LRBA: variants seen among roughly 807,000 people sequenced by gnomAD.
LRBA encodes lipopolysaccharide-responsive and beige-like anchor protein.
Under a neutral mutation model 330.0 loss-of-function variants are expected in LRBA, and 176 were observed. The observed-to-expected ratio is 0.53, with a 90% CI of 0.47 to 0.60. LRBA has a LOEUF of 0.60. Among genes scored for constraint, LRBA ranks in the 20% least tolerant of loss-of-function variants. LRBA has a pLI of 0.00. For missense variants in LRBA, 3,259 were observed against 3,444.8 expected (o/e 0.95, Z 1.35); for synonymous variants, 1,230 against 1,193.0 (o/e 1.03, Z -0.64).
chr4:150,683,792 C>T, intron 36 of LRBA, 75 bp from the exon 37 acceptor site: 2 of 1,196,418 alleles, frequency 1.7e-6, no homozygotes, highest in Non-Finnish European at 2.3e-6. Context: ...ATAATCTTTA[C>T]CCTAAATCAA....
At chr4:150,590,172 C>G (rs1434290876) in intron 39 of LRBA, among the ~76,000 whole-genome samples, 4 of 151,938 alleles carry the variant, frequency 2.6e-5, no homozygotes, top group Non-Finnish European at 4.4e-5. Flanking sequence ...GAATTTTTCC[C>G]ATAAGGGATG....
intron 44 of LRBA, among the ~76,000 whole-genome samples, chr4:150,457,974 G>T (rs1413054690): frequency 1.3e-5 from 2 of 151,784 alleles, no homozygotes; most frequent in Admixed American, 6.6e-5. Flanking sequence ...GTGTGTTGCT[G>T]GTATATGTCA....
At chr4:150,751,239 T>C (rs1248892815) in intron 35 of LRBA, among the ~76,000 whole-genome samples, 1 of 152,138 alleles carries the variant, frequency 6.6e-6, no homozygotes, top group Admixed American at 6.5e-5. Flanking sequence ...AAGTATTTAA[T>C]AATACTTTCA....
At chr4:150,582,847 G>A (rs933156506) in intron 40 of LRBA, 21 of 581,654 alleles carry the variant, frequency 3.6e-5, no homozygotes, top group Non-Finnish European at 5.6e-5. Flanking sequence ...AGAGGGAAAA[G>A]GAAAAAACAA....
At chr4:150,792,420 G>A (rs1017211491) in intron 34 of LRBA, among the ~76,000 whole-genome samples, 1 of 152,188 alleles carries the variant, frequency 6.6e-6, no homozygotes, top group African/African-American at 2.4e-5. Context: ...AAATGGTTGG[G>A]TATATGTCAA....
At chr4:150,943,514 A>G (rs1367531962) in intron 2 of LRBA, among the ~76,000 whole-genome samples, 2 of 152,222 alleles carry the variant, frequency 1.3e-5, no homozygotes, top group Non-Finnish European at 2.9e-5. Context: ...CCCTAAATCC[A>G]TAAAAATAAA....
intron 40 of LRBA, among the ~76,000 whole-genome samples, chr4:150,498,619 G>A (rs921853793): frequency 6.6e-6 from 1 of 152,044 alleles, no homozygotes; most frequent in Non-Finnish European, 1.5e-5. Flanking sequence ...AGAGCTGGGT[G>A]ATAAATTTGT....
At chr4:150,441,317 C>A (rs1490133465) in intron 44 of LRBA, among the ~76,000 whole-genome samples, 73 of 151,982 alleles carry the variant, frequency 4.8e-4, no homozygotes, top group Non-Finnish European at 7.4e-5. Context: ...CAGTAGTCCC[C>A]ATCAATGAAT....
At chr4:150,772,773 A>G (rs1736759705) in intron 34 of LRBA, among the ~76,000 whole-genome samples, 1 of 152,110 alleles carries the variant, frequency 6.6e-6, no homozygotes, top group Non-Finnish European at 1.5e-5. Context: ...GATCTCCTGG[A>G]GCCTATGGCT....
chr4:150,674,152 CA>C (rs35345652), intron 37 of LRBA, among the ~76,000 whole-genome samples: 1 of 147,644 alleles, frequency 6.8e-6, no homozygotes, highest in Non-Finnish European at 1.5e-5. Context: ...ACAGTATTTA[CA>C]AAAAAAAGTA....
intron 47 of LRBA, among the ~76,000 whole-genome samples, chr4:150,389,794 A>C (rs1340495845): frequency 6.6e-6 from 1 of 151,930 alleles, no homozygotes; most frequent in African/African-American, 2.4e-5. Context: ...TGGCAGGATC[A>C]ATAATGAATG....
At position 150,654,290 on chromosome 4, in the gene LRBA, A is replaced by C. The variant is rs558299929; in HGVS notation, c.5921+29261T>G. Among the ~76,000 whole-genome samples, 699 of 152,154 alleles carry C rather than the reference A, an allele frequency of 4.6e-3. 2 individuals carry two copies. The highest frequency in any genetic ancestry group is 7.5e-3 in the Non-Finnish European group (509 of 67,992). On this transcript the variant is annotated intron_variant, in intron 37 of 56. Transcript: ENST00000651943. ...CAACCTCTGCCTCCCGGGTTCAAGC[A>C]ATTCTCCTGCCTCAACCTCCCAAGT...
rs546054066 is a variant in LRBA, at chr4:150,370,869, G to A, written c.7195-20710C>T. Among the ~76,000 whole-genome samples the A allele has an allele frequency of 3.3e-5, 5 of 152,208 alleles. No homozygotes were observed. The East Asian group carries it at 9.7e-4, about 29-fold the overall frequency. Reference sequence around the variant, plus strand: ...AACTGATAATTTTTTAAAACATGATGTTTATATTTTTCTCCTCTTCTTTGT... The same window carrying A: ...AACTGATAATTTTTTAAAACATGATATTTATATTTTTCTCCTCTTCTTTGT... On this transcript the variant is annotated intron_variant, in intron 47 of 56. Coordinates refer to ENST00000651943, the MANE Select transcript of LRBA (RefSeq NM_001364905.1).
chr4:151,005,392 C>A (rs1358722704), intron 2 of LRBA, among the ~76,000 whole-genome samples: 1 of 116,150 alleles, frequency 8.6e-6, no homozygotes, highest in Non-Finnish European at 1.6e-5. Context: ...GAGCCAAGAT[C>A]GCACTATTGC....
At chr4:150,320,112 A>G (rs1732280775) in intron 50 of LRBA, among the ~76,000 whole-genome samples, 1 of 152,206 alleles carries the variant, frequency 6.6e-6, no homozygotes, top group Admixed American at 6.6e-5. Context: ...TCCAGGTCCC[A>G]ACTTTCCTGC....
At chr4:150,577,619 T>A (rs1770715854) in intron 40 of LRBA, among the ~76,000 whole-genome samples, 1 of 152,104 alleles carries the variant, frequency 6.6e-6, no homozygotes, top group Non-Finnish European at 1.5e-5. Context: ...CTGATTATTT[T>A]TTGAAAGCTT....
At chr4:150,728,548 A>G (rs1382767789) in intron 36 of LRBA, among the ~76,000 whole-genome samples, 1 of 152,116 alleles carries the variant, frequency 6.6e-6, no homozygotes, top group East Asian at 1.9e-4. Flanking sequence ...AATGTATGCA[A>G]ATCAATCAAT....
Position 150,848,889 on chromosome 4 carries a change from A to G in LRBA, c.4268T>C (p.Leu1423Pro). 6.2e-7 allele frequency: 1 copy of G among 1,613,688 alleles called. No homozygotes were observed. The highest frequency in any genetic ancestry group is 8.5e-7 in the Non-Finnish European group (1 of 1,179,788). The change falls in exon 26 of 57, where the codon CTT (leucine) becomes CCT (proline). Residue 1423 changes from leucine (L) to proline (P), a missense_variant. Coordinates refer to ENST00000651943, the MANE Select transcript of LRBA (RefSeq NM_001364905.1). ...TTCAGCTTCAATTTCAGTAAAGCCA[A>G]GAGAACTTGCAAATATAAGCACATC... is the stretch of plus-strand genomic sequence containing the variant. ...LVDVLIFASS[L>P]GFTEIEAEKS...
intron 36 of LRBA, among the ~76,000 whole-genome samples, chr4:150,690,057 GAAGA>G (rs899805679): frequency 4.0e-5 from 6 of 151,854 alleles, no homozygotes; most frequent in African/African-American, 1.2e-4. Flanking sequence ...CTAGATAAAT[GAAGA>G]AATATATAAT....
Sources: gnomAD v4.1 joint callset for allele counts (sites outside exome capture counted in the v4.1 genomes callset) on GRCh38, gnomAD v4.1.1 for gene constraint, MANE v1.5 for transcripts, NCBI Gene and HGNC (gene_info 2026-07-23, HGNC 2026-07-21) for gene names.